The following ANKRD36B variants were observed in gnomAD, a reference collection of about 807,000 sequenced individuals.
The protein encoded by ANKRD36B is ankyrin repeat domain-containing protein 36B.
In ANKRD36B, 37 loss-of-function variants were observed where a neutral mutation model predicts 135.7. The ratio of observed to expected loss-of-function variants is 0.27; its 90% CI spans 0.21 to 0.36. The LOEUF is 0.36. Among genes scored for constraint, ANKRD36B ranks in the 10% least tolerant of loss-of-function variants. ANKRD36B has a pLI of 1.00. For synonymous variants in ANKRD36B, 179 were observed against 348.1 expected (o/e 0.51, Z 5.41); for missense variants, 549 against 1,037.1 (o/e 0.53, Z 6.46).
chr2:97,585,237 A>C, intron 2 of ANKRD36B, 47 bp downstream of exon 2: 1 of 1,566,706 alleles, frequency 6.4e-7, no homozygotes, highest in Non-Finnish European at 8.7e-7. Flanking sequence ...TATCCTATGT[A>C]CTTCAACCAA....
chr2:97,581,646 G>A (rs1429581707), intron 3 of ANKRD36B, among the ~76,000 whole-genome samples: 1 of 151,918 alleles, frequency 6.6e-6, no homozygotes, highest in South Asian at 2.1e-4. Flanking sequence ...TTGTATTCTA[G>A]TTTCCAATTC....
chr2:97,539,997 G>T lies in ANKRD36B; in HGVS notation c.1987+37C>A, dbSNP rs1396994362. 8 of 853,166 alleles carry T rather than the reference G, an allele frequency of 9.4e-6. 3 individuals carry two copies. The highest frequency in any genetic ancestry group is 7.1e-5 in the African/African-American group (4 of 56,092). 52.8% of individuals were successfully genotyped at this position (853,166 alleles called of 1,614,324 possible). ...GGGAAGAGAAGTTCTTTTCTATCTGGACTGAACATGACATTAAATGTGTTT... is the reference window on the plus strand; with the variant it reads ...GGGAAGAGAAGTTCTTTTCTATCTGTACTGAACATGACATTAAATGTGTTT... On this transcript the variant is annotated intron_variant, in intron 30 of 43. Transcript: ENST00000359901.
At chr2:97,559,277 G>A (rs1039204780) in intron 8 of ANKRD36B, among the ~76,000 whole-genome samples, 2 of 151,836 alleles carry the variant, frequency 1.3e-5, no homozygotes, top group African/African-American at 4.8e-5. Flanking sequence ...GATATGCCGA[G>A]TGATGAGGAC....
chr2:97,543,395 GT>G (rs2079251921), intron 26 of ANKRD36B, among the ~76,000 whole-genome samples: 1 of 117,690 alleles, frequency 8.5e-6, no homozygotes, highest in South Asian at 2.2e-4. Flanking sequence ...GTGTCTACAG[GT>G]TATTAGGATC....
At chr2:97,557,154 T>C in intron 10 of ANKRD36B, 22 bp from the exon 11 acceptor site, 1 of 1,509,174 alleles carries the variant, frequency 6.6e-7, no homozygotes, top group Non-Finnish European at 8.9e-7. Flanking sequence ...AAGAAATATA[T>C]AATTCATCAT....
rs764631916 is a variant in ANKRD36B, at chr2:97,553,190, C to T, written c.1251G>A (p.Lys417=). ...GSVSNIATEI[K]DGEKSGTVSS... ...TACCTGTCCCAGATTTTTCTCCATC[C>T]TTTATTTCTGTGGCTATATTAGAAA... Residue 417 remains lysine, a synonymous_variant, in exon 16 of 44, where the codon AAG becomes AAA. Coordinates refer to ENST00000359901, the MANE Select transcript of ANKRD36B (RefSeq NM_001393939.1). 6.2e-6 allele frequency: 10 copies of T among 1,611,176 alleles called. No individual in the cohort carries two copies. The highest frequency in any genetic ancestry group is 3.3e-5 in the Admixed American group (2 of 59,726).
Position 97,529,504 on chromosome 2 carries a change from T to TCTG in ANKRD36B, c.2265+2806_2265+2807insCAG, listed in dbSNP as rs2078439074. Among the ~76,000 whole-genome samples, 7 of 94,184 alleles carry TCTG rather than the reference T, an allele frequency of 7.4e-5. 1 individual carries two copies. The South Asian group carries it at 1.7e-3, about 23-fold the overall frequency. The allele number at this position is 94,184 out of a possible 152,430, so 61.8% of individuals were successfully genotyped here. A position where few individuals can be genotyped will look rare whatever the true frequency, so the allele number is the denominator to read the frequency against. On this transcript the variant is annotated intron_variant, in intron 35 of 43. Coordinates refer to ENST00000359901, the MANE Select transcript of ANKRD36B (RefSeq NM_001393939.1). The stretch of plus-strand genomic sequence containing the variant: ...TTTGAAAACTGGCACAAGACAGGGA[T>TCTG]GCCCTCTCTCACCACTCCTATTCAA...
chr2:97,494,397 C>T (rs534426839), intron 43 of ANKRD36B, among the ~76,000 whole-genome samples: 2 of 106,002 alleles, frequency 1.9e-5, no homozygotes, highest in African/African-American at 5.3e-5. Context: ...GAAGAGACAA[C>T]GGGTATGACA....
chr2:97,567,937 T>C (rs2081567141), intron 6 of ANKRD36B, among the ~76,000 whole-genome samples: 1 of 152,144 alleles, frequency 6.6e-6, no homozygotes, highest in Non-Finnish European at 1.5e-5. Flanking sequence ...TACATGGCAA[T>C]GCCTACTGCA....
intron 26 of ANKRD36B, among the ~76,000 whole-genome samples, chr2:97,543,096 A>G (rs1218676728): frequency 6.6e-6 from 1 of 152,156 alleles, no homozygotes; most frequent in Non-Finnish European, 1.5e-5. Flanking sequence ...AATCAACAAA[A>G]CGTGTAAGTC....
rs756277472 is a variant in ANKRD36B, at chr2:97,547,750, T to C, written c.1478-19A>G. The stretch of plus-strand genomic sequence containing the variant: ...AAAGACACTGAAAAGTAAAAGGGAT[T>C]CATAATCACTCATATGTAAAAATGA... On this transcript the variant is annotated intron_variant, in intron 20 of 43. Transcript: ENST00000359901. 1 of 1,549,454 alleles carries C rather than the reference T, an allele frequency of 6.5e-7. No homozygotes were observed. The highest frequency in any genetic ancestry group is 1.2e-5 in the South Asian group (1 of 84,508).
At chr2:97,558,230 C>A (rs1576993248) in intron 10 of ANKRD36B, among the ~76,000 whole-genome samples, 1 of 152,002 alleles carries the variant, frequency 6.6e-6, no homozygotes, top group African/African-American at 2.4e-5. Context: ...CCTAAAGCAG[C>A]CAAAATCAAA....
At chr2:97,557,725 G>A (rs2080657478) in intron 10 of ANKRD36B, among the ~76,000 whole-genome samples, 5 of 151,826 alleles carry the variant, frequency 3.3e-5, no homozygotes, top group African/African-American at 4.8e-5. Flanking sequence ...CCCATGTGGT[G>A]TAATAATGTG....
At chr2:97,567,876 GA>G (rs2081563118) in intron 6 of ANKRD36B, among the ~76,000 whole-genome samples, 1 of 152,122 alleles carries the variant, frequency 6.6e-6, no homozygotes, top group African/African-American at 2.4e-5. Context: ...TGAAGCAGAT[GA>G]TCTTCTTTCT....
chr2:97,569,897 A>C (rs2081723238), intron 6 of ANKRD36B, among the ~76,000 whole-genome samples: 1 of 152,162 alleles, frequency 6.6e-6, no homozygotes. Context: ...AACTGTATTA[A>C]CAGGCAAGAA....
At chr2:97,544,203 T>A (rs562005935) in intron 24 of ANKRD36B, among the ~76,000 whole-genome samples, 1 of 46,882 alleles carries the variant, frequency 2.1e-5, no homozygotes, top group South Asian at 4.0e-4. Flanking sequence ...AAACATGGCA[T>A]GATTTGTCAT....
At chr2:97,546,302 G>A (rs1267093077) in intron 22 of ANKRD36B, among the ~76,000 whole-genome samples, 4 of 151,726 alleles carry the variant, frequency 2.6e-5, no homozygotes, top group Admixed American at 6.6e-5. Flanking sequence ...TAATTTGCCC[G>A]ATAACTGAGA....
In ANKRD36B at chr2:97,589,810, GTCT is replaced by G. The variant is rs1472599529; in HGVS notation, c.-128_-126del. On this transcript the variant is annotated 5_prime_UTR_variant, in exon 1 of 44. Coordinates refer to ENST00000359901, the MANE Select transcript of ANKRD36B (RefSeq NM_001393939.1). ...CCGAAGAGCAACAACAGGCAAAGCAGTCTGTGCACGGACCTCCGCGCAGACTCT... is the reference window on the plus strand; with the variant it reads ...CCGAAGAGCAACAACAGGCAAAGCAGGTGCACGGACCTCCGCGCAGACTCT... 1 of 1,451,012 alleles carries G rather than the reference GTCT, an allele frequency of 6.9e-7. No homozygotes were observed. The highest frequency in any genetic ancestry group is 1.4e-5 in the African/African-American group (1 of 70,946). The allele number at this position is 1,451,012 out of a possible 1,614,324, so 89.9% of individuals were successfully genotyped here.
intron 1 of ANKRD36B, 112 bp downstream of exon 1, chr2:97,589,413 C>G: frequency 1.5e-6 from 1 of 658,700 alleles, no homozygotes; most frequent in Non-Finnish European, 2.3e-6. Context: ...CCCTAGCCCC[C>G]GTCCATACCC....
Sources: gnomAD v4.1 joint callset for allele counts (sites outside exome capture counted in the v4.1 genomes callset) on GRCh38, gnomAD v4.1.1 for gene constraint, MANE v1.5 for transcripts, NCBI Gene and HGNC (gene_info 2026-07-23, HGNC 2026-07-21) for gene names.